Variants in GLYCTK observed in about 807,000 individuals in gnomAD.
GLYCTK encodes the protein glycerate kinase, also known as HBeAg binding protein 4.
In GLYCTK, 22 loss-of-function variants were observed where a neutral mutation model predicts 24.8. That is an observed-to-expected ratio of 0.89 (90% confidence interval 0.63 to 1.27). The LOEUF is 1.27. Ranked by LOEUF, GLYCTK falls within the 50% of genes most tolerant of loss-of-function variation. GLYCTK has a pLI of 0.00. For missense variants in GLYCTK, 684 were observed against 686.7 expected (o/e 1.00, Z 0.04); for synonymous variants, 320 against 297.2 (o/e 1.08, Z -0.79).
At position 52,294,093 on chromosome 3, in the gene GLYCTK, AAGAGGCAAGTGGGAAT is replaced by A; in HGVS notation, c.*973_*988del. Reference sequence around the variant, plus strand: ...CTCTTCCTGTGACCACTGGCGGGAGAAGAGGCAAGTGGGAATAGAGGAACGGCTGTGTTGGCCTGGC... The same window carrying A: ...CTCTTCCTGTGACCACTGGCGGGAGAAGAGGAACGGCTGTGTTGGCCTGGC... On this transcript the variant is annotated 3_prime_UTR_variant, in exon 5 of 5. Transcript: ENST00000436784. 3 of 518,796 alleles carry A rather than the reference AAGAGGCAAGTGGGAAT, an allele frequency of 5.8e-6. No individual in the cohort carries two copies. Among genetic ancestry groups the A allele is most frequent in the South Asian group, 4.2e-5 (3 of 70,712 alleles). 32.1% of individuals were successfully genotyped at this position (518,796 alleles called of 1,614,324 possible).
Position 52,290,684 on chromosome 3 carries a change from G to A in GLYCTK, c.342G>A (p.Lys114=), listed in dbSNP as rs1321015746. The change falls in exon 2 of 5, where the codon AAG becomes AAA. Residue 114 remains lysine, a synonymous_variant. Transcript: ENST00000436784. The part of the protein sequence containing the change: ...HLVQGVISVP[K]GIRAAMERAG... ...TGCAGGGCGTGATCAGCGTTCCCAA[G>A]GGGATCCGTGCTGCCATGGAGCGTG... 1.2e-6 allele frequency: 2 copies of A among 1,613,430 alleles called. No homozygotes were observed. Among genetic ancestry groups the A allele is most frequent in the Non-Finnish European group, 1.7e-6 (2 of 1,179,796 alleles).
intron 2 of GLYCTK, 44 bp from the exon 3 acceptor site, chr3:52,290,916 A>T (rs1260036924): frequency 6.2e-7 from 1 of 1,611,752 alleles, no homozygotes; most frequent in Non-Finnish European, 8.5e-7. Context: ...GTGGGAGGAG[A>T]GGAGTCCACC....
At chr3:52,290,776 A>G (rs1700441038) in intron 2 of GLYCTK, 57 bp downstream of exon 2, 1 of 1,597,146 alleles carries the variant, frequency 6.3e-7, no homozygotes, top group African/African-American at 1.3e-5. Flanking sequence ...ACCTGGGCCC[A>G]GACACAGGCT....
At chr3:52,289,028 A>G (rs1700378407) in intron 1 of GLYCTK, 1 of 152,266 alleles carries the variant, frequency 6.6e-6, no homozygotes, top group African/African-American at 2.4e-5. Context: ...AGTGGACAGT[A>G]TCAGAGAGCC....
Position 52,294,762 on chromosome 3 carries a change from G to T in GLYCTK, c.*1636G>T, listed in dbSNP as rs1025526151. On this transcript the variant is annotated 3_prime_UTR_variant, in exon 5 of 5. Transcript: ENST00000436784. ...TTGGGAGCATGAGTATTGGCACTGGGTTCCAAGTTCCAGGCAAAAGCAGGA... is the reference window on the plus strand; with the variant it reads ...TTGGGAGCATGAGTATTGGCACTGGTTTCCAAGTTCCAGGCAAAAGCAGGA... 1 of 452,064 alleles carries T rather than the reference G, an allele frequency of 2.2e-6. No individual in the cohort carries two copies. Among genetic ancestry groups the T allele is most frequent in the Non-Finnish European group, 4.4e-6 (1 of 225,230 alleles). 28.0% of individuals were successfully genotyped at this position (452,064 alleles called of 1,614,324 possible).
intron 3 of GLYCTK, chr3:52,291,406 A>C: frequency 3.4e-6 from 2 of 581,260 alleles, no homozygotes; most frequent in Admixed American, 3.0e-5. Context: ...TGTCACTGCT[A>C]TTGCTGCTGT....
intron 3 of GLYCTK, chr3:52,291,351 A>C (rs1399375459): frequency 1.3e-5 from 8 of 602,238 alleles, no homozygotes; most frequent in African/African-American, 1.3e-4. Flanking sequence ...GTGCATGGGG[A>C]GCACATAATG....
rs1477156821 is a variant in GLYCTK, at chr3:52,294,432, C to A, written c.*1306C>A. 2 of 463,926 alleles carry A rather than the reference C, an allele frequency of 4.3e-6. No individual in the cohort carries two copies. Among genetic ancestry groups the A allele is most frequent in the Non-Finnish European group, 8.8e-6 (2 of 227,966 alleles). The allele number at this position is 463,926 out of a possible 1,614,324, so 28.7% of individuals were successfully genotyped here. ...GAAGGGTTTCCCTTCCCCACCTGGGCTCTGGGCAGCCTAGCTTGCAGACAG... is the reference window on the plus strand; with the variant it reads ...GAAGGGTTTCCCTTCCCCACCTGGGATCTGGGCAGCCTAGCTTGCAGACAG... On this transcript the variant is annotated 3_prime_UTR_variant, in exon 5 of 5. Transcript: ENST00000436784.
At position 52,292,432 on chromosome 3, in the gene GLYCTK, C is replaced by G; in HGVS notation, c.878C>G (p.Ser293Cys). ...AAGACTGTGCTGTCTCGGGCCGACTCTGACCCCCATGGGCCACACACCTGT... is the reference window on the plus strand; with the variant it reads ...AAGACTGTGCTGTCTCGGGCCGACTGTGACCCCCATGGGCCACACACCTGT... Reference protein sequence around the residue: ...SVKTVLSRADSDPHGPHTCGH... With the variant: ...SVKTVLSRADCDPHGPHTCGH... Residue 293 changes from serine (S) to cysteine (C), a missense_variant, in exon 5 of 5, where the codon TCT (serine) becomes TGT (cysteine). By Grantham distance (112) the Ser-to-Cys change is moderately radical (BLOSUM62 -1). Transcript: ENST00000436784. 6.2e-7 allele frequency: 1 copy of G among 1,613,474 alleles called. No homozygotes were observed.
intron 4 of GLYCTK, 86 bp from the exon 5 acceptor site, chr3:52,292,174 G>T: frequency 6.5e-7 from 1 of 1,547,254 alleles, no homozygotes. Flanking sequence ...GGGAGGGTGT[G>T]TGGATACCCT....
intron 2 of GLYCTK, 104 bp from the exon 3 acceptor site, chr3:52,290,856 A>G (rs1700443121): frequency 6.3e-7 from 1 of 1,580,186 alleles, no homozygotes; most frequent in Non-Finnish European, 8.7e-7. Context: ...GATGCATGTC[A>G]GTGGGCATCT....
rs1395270667 is a variant in GLYCTK, at chr3:52,294,035, G to A, written c.*909G>A. 2.3e-6 allele frequency: 1 copy of A among 431,710 alleles called. No individual in the cohort carries two copies. The highest frequency in any genetic ancestry group is 4.7e-6 in the Non-Finnish European group (1 of 212,020). The allele number at this position is 431,710 out of a possible 1,614,324, so 26.7% of individuals were successfully genotyped here. A position where few individuals can be genotyped will look rare whatever the true frequency, so the allele number is the denominator to read the frequency against. On this transcript the variant is annotated 3_prime_UTR_variant, in exon 5 of 5. Transcript: ENST00000436784. ...GGGGGTCCCAGCACTGGGATGGTGG[G>A]TCCAGCCAGTGATGAGGTCCAGTGA...
In GLYCTK at chr3:52,292,635, C is replaced by T; in HGVS notation, c.1081C>T (p.Pro361Ser). ...LAHVARTRLTPSMAGASVEED... is the reference protein window; with the variant it reads ...LAHVARTRLTSSMAGASVEED... ...CCATGTGGCTAGAACCCGCCTCACC[C>T]CATCCATGGCTGGGGCTTCTGTGGA... Residue 361 changes from proline to serine, a missense_variant, in exon 5 of 5, where the codon CCA becomes TCA. Physicochemically the swap from Pro to Ser is moderately conservative, Grantham distance 74. Transcript: ENST00000436784. 6.2e-7 allele frequency: 1 copy of T among 1,609,126 alleles called. No individual in the cohort carries two copies. Among genetic ancestry groups the T allele is most frequent in the Non-Finnish European group, 8.5e-7 (1 of 1,176,476 alleles).
chr3:52,294,814 G>C lies in GLYCTK; in HGVS notation c.*1688G>C. 2.2e-6 allele frequency: 1 copy of C among 454,086 alleles called. No homozygotes were observed. The highest frequency in any genetic ancestry group is 1.6e-5 in the South Asian group (1 of 64,478). The allele number at this position is 454,086 out of a possible 1,614,324, so 28.1% of individuals were successfully genotyped here. A position where few individuals can be genotyped will look rare whatever the true frequency, so the allele number is the denominator to read the frequency against. ...AGGAGAGCTGGGGCAGGGGCTGCAG[G>C]AGCTGAGGGCCTGGCAGCCATGTCC... On this transcript the variant is annotated 3_prime_UTR_variant, in exon 5 of 5. Transcript: ENST00000436784.
At chr3:52,291,572 G>C in intron 3 of GLYCTK, 175 bp from the exon 4 acceptor site, 1 of 632,292 alleles carries the variant, frequency 1.6e-6, no homozygotes, top group Non-Finnish European at 2.8e-6. Flanking sequence ...CCCAAGGCAG[G>C]GGCAACCTCA....
In GLYCTK at chr3:52,292,779, G is replaced by A. The variant is rs150830072; in HGVS notation, c.1225G>A (p.Glu409Lys). The change falls in exon 5 of 5, where the codon GAG becomes AAG. Residue 409 changes from glutamate to lysine, a missense_variant. By Grantham distance (56) the Glu-to-Lys change is moderately conservative. Coordinates refer to ENST00000436784, the MANE Select transcript of GLYCTK (RefSeq NM_145262.4). Reference sequence around the variant, plus strand: ...CCCAGTCTGCCTGCTGGCTGGTGGCGAGCCCACAGTACAGCTGCAGGGCTC... The same window carrying A: ...CCCAGTCTGCCTGCTGGCTGGTGGCAAGCCCACAGTACAGCTGCAGGGCTC... ...RGPVCLLAGGEPTVQLQGSGR... is the reference protein window; with the variant it reads ...RGPVCLLAGGKPTVQLQGSGR... 12 of 1,607,092 alleles carry A rather than the reference G, an allele frequency of 7.5e-6. No individual in the cohort carries two copies. Among genetic ancestry groups the A allele is most frequent in the African/African-American group, 4.0e-5 (3 of 74,856 alleles).
Position 52,291,877 on chromosome 3 carries a change from C to A in GLYCTK, c.660C>A (p.Ser220=), listed in dbSNP as rs1016028963. 3 of 1,613,754 alleles carry A rather than the reference C, an allele frequency of 1.9e-6. No individual in the cohort carries two copies. The highest frequency in any genetic ancestry group is 2.5e-6 in the Non-Finnish European group (3 of 1,179,992). The change falls in exon 4 of 5, where the codon TCC becomes TCA. Residue 220 remains serine, a synonymous_variant. Coordinates refer to ENST00000436784, the MANE Select transcript of GLYCTK (RefSeq NM_145262.4). ...TGAACACCATTCGGAAGGCCCTGTCCCAGCTCAAGGGTGGGGGGCTGGCTC... is the reference window on the plus strand; with the variant it reads ...TGAACACCATTCGGAAGGCCCTGTCACAGCTCAAGGGTGGGGGGCTGGCTC... ...QELNTIRKAL[S]QLKGGGLAQA...
chr3:52,291,985 G>A, intron 4 of GLYCTK, 63 bp downstream of exon 4: 3 of 1,508,040 alleles, frequency 2.0e-6, no homozygotes, highest in East Asian at 4.5e-5. Context: ...ATGTGCCAGG[G>A]ATGTGAAAGC....
At position 52,292,393 on chromosome 3, in the gene GLYCTK, T is replaced by C. The variant is rs202108516; in HGVS notation, c.839T>C (p.Leu280Pro). The C allele has an allele frequency of 1.2e-6, 2 of 1,613,896 alleles. No individual in the cohort carries two copies. The highest frequency in any genetic ancestry group is 1.3e-5 in the African/African-American group (1 of 75,038). ...AATCGCTACGGCCTCCGTGCAGCCC[T>C]GCCACGTTCTGTGAAGACTGTGCTG... ...ILNRYGLRAA[L>P]PRSVKTVLSR... The change falls in exon 5 of 5, where the codon CTG becomes CCG. Residue 280 changes from leucine (L) to proline (P), a missense_variant. By Grantham distance (98) the Leu-to-Pro change is moderately conservative (BLOSUM62 -3). Coordinates refer to ENST00000436784, the MANE Select transcript of GLYCTK (RefSeq NM_145262.4).
Sources: gnomAD v4.1 joint callset for allele counts on GRCh38, gnomAD v4.1.1 for gene constraint, MANE v1.5 for transcripts, NCBI Gene and HGNC (gene_info 2026-07-23, HGNC 2026-07-21) for gene names.